MCTP1: variants seen among roughly 807,000 people sequenced by gnomAD.
MCTP1 encodes the protein multiple C2 and transmembrane domain-containing protein 1.
MCTP1 carries 69 observed loss-of-function variants against 120.6 expected under a neutral mutation model. The observed-to-expected ratio is 0.57, with a 90% CI of 0.47 to 0.70. MCTP1 has a LOEUF of 0.70. MCTP1 is among the 30% of genes least tolerant of loss of function. The probability of loss-of-function intolerance (pLI) is 0.00; values close to 1 mark genes in which losing one functional copy is unlikely to be tolerated. For missense variants in MCTP1, 1,203 were observed against 1,248.8 expected, an observed-to-expected ratio of 0.96 and a Z score of 0.55; for synonymous variants, 529 against 493.1, an observed-to-expected ratio of 1.07 and a Z score of -0.96.
intron 17 of MCTP1, among the ~76,000 whole-genome samples, chr5:94,814,669 A>G (rs1471834258): frequency 6.6e-6 from 1 of 152,206 alleles, no homozygotes; most frequent in African/African-American, 2.4e-5. Flanking sequence ...GAAATGGCTG[A>G]GAATATGAAA....
intron 3 of MCTP1, among the ~76,000 whole-genome samples, chr5:94,950,545 A>G (rs1820232342): frequency 6.6e-6 from 1 of 152,178 alleles, no homozygotes; most frequent in Non-Finnish European, 1.5e-5. Context: ...TGCAGACTAT[A>G]TATATAGAGT....
intron 5 of MCTP1, among the ~76,000 whole-genome samples, chr5:94,936,701 A>G (rs2153492423): frequency 6.6e-6 from 1 of 152,254 alleles, no homozygotes; most frequent in East Asian, 1.9e-4. Flanking sequence ...AACCAGTTCT[A>G]GAGAGCTTAA....
At position 94,962,111 on chromosome 5, in the gene MCTP1, G is replaced by A. The variant is rs116333399; in HGVS notation, c.839-8750C>T. On this transcript the variant is annotated intron_variant, in intron 2 of 22. Coordinates refer to ENST00000515393, the MANE Select transcript of MCTP1 (RefSeq NM_024717.7). ...CAGTGCAATGCCACCTTACTCCTGC[G>A]CAAATGGCTATAATAATAATAAAAA... 1.6e-3 allele frequency among the ~76,000 whole-genome samples: 248 copies of A among 150,434 alleles called. 1 individual carries two copies. The highest frequency in any genetic ancestry group is 4.8e-3 in the African/African-American group (195 of 40,690).
intron 1 of MCTP1, among the ~76,000 whole-genome samples, chr5:95,221,962 C>T (rs1404528736): frequency 1.3e-5 from 2 of 152,098 alleles, no homozygotes; most frequent in African/African-American, 2.4e-5. Flanking sequence ...TACAAGTGAT[C>T]AAAAAGAAAA....
At chr5:94,795,155 C>G (rs1176925581) in intron 18 of MCTP1, among the ~76,000 whole-genome samples, 1 of 149,278 alleles carries the variant, frequency 6.7e-6, no homozygotes, top group Non-Finnish European at 1.5e-5. Flanking sequence ...CCTTCATTCT[C>G]TGAGACTTGA....
chr5:94,704,996 A>ATGTC lies in MCTP1; in HGVS notation c.*2496_*2499dup, dbSNP rs1754202537. Reference sequence around the variant, plus strand: ...CATTTCTTATGAATTATCACAACGAATGTCAGTAATAGTTTATGAATATAA... The same window carrying ATGTC: ...CATTTCTTATGAATTATCACAACGAATGTCTGTCAGTAATAGTTTATGAATATAA... On this transcript the variant is annotated 3_prime_UTR_variant, in exon 23 of 23. Coordinates refer to ENST00000515393, the MANE Select transcript of MCTP1 (RefSeq NM_024717.7). The ATGTC allele has an allele frequency of 1.3e-5, 2 of 151,396 alleles. No individual in the cohort carries two copies. The highest frequency in any genetic ancestry group is 3.0e-5 in the Non-Finnish European group (2 of 67,592). 9.4% of individuals were successfully genotyped at this position (151,396 alleles called of 1,614,324 possible). A position where few individuals can be genotyped will look rare whatever the true frequency, so the allele number is the denominator to read the frequency against.
At chr5:95,167,788 G>C (rs1393673415) in intron 1 of MCTP1, among the ~76,000 whole-genome samples, 1 of 152,106 alleles carries the variant, frequency 6.6e-6, no homozygotes, top group Non-Finnish European at 1.5e-5. Flanking sequence ...TGTAGATTCT[G>C]GATATTAGCC....
chr5:94,806,757 T>C (rs1264091117), intron 17 of MCTP1, among the ~76,000 whole-genome samples: 1 of 152,226 alleles, frequency 6.6e-6, no homozygotes, highest in African/African-American at 2.4e-5. Context: ...GAAAAAAGCC[T>C]GCCCTTTCAG....
chr5:95,021,508 T>C (rs577140099), intron 1 of MCTP1, among the ~76,000 whole-genome samples: 208 of 152,238 alleles, frequency 1.4e-3, no homozygotes, highest in African/African-American at 4.7e-3. Flanking sequence ...AATACAATCT[T>C]ATTTTTCTTC....
At chr5:95,045,110 T>G (rs1842954703) in intron 1 of MCTP1, among the ~76,000 whole-genome samples, 1 of 152,172 alleles carries the variant, frequency 6.6e-6, no homozygotes, top group East Asian at 1.9e-4. Flanking sequence ...CACATCAGCC[T>G]TGTGTGAGTT....
intron 1 of MCTP1, among the ~76,000 whole-genome samples, chr5:95,259,227 T>C (rs1251457643): frequency 1.3e-5 from 2 of 152,308 alleles, no homozygotes; most frequent in African/African-American, 2.4e-5. Context: ...TGAATGGCTA[T>C]GTCACTACCA....
At chr5:94,855,728 T>C (rs1794606062) in intron 17 of MCTP1, among the ~76,000 whole-genome samples, 1 of 151,720 alleles carries the variant, frequency 6.6e-6, no homozygotes, top group Non-Finnish European at 1.5e-5. Flanking sequence ...AACAAAACCA[T>C]GACGTAATCG....
At chr5:95,141,319 G>T (rs1396798660) in intron 1 of MCTP1, among the ~76,000 whole-genome samples, 1 of 152,140 alleles carries the variant, frequency 6.6e-6, no homozygotes, top group Non-Finnish European at 1.5e-5. Context: ...TGATTGCCAC[G>T]GGCGTATGCT....
chr5:94,899,932 T>C (rs1805063842), intron 10 of MCTP1, among the ~76,000 whole-genome samples: 1 of 152,222 alleles, frequency 6.6e-6, no homozygotes, highest in Admixed American at 6.5e-5. Context: ...TGCTCCATTT[T>C]TCTTGAGAAA....
At chr5:95,062,828 T>C (rs1749613654) in intron 1 of MCTP1, among the ~76,000 whole-genome samples, 1 of 151,798 alleles carries the variant, frequency 6.6e-6, no homozygotes, top group Non-Finnish European at 1.5e-5. Context: ...TGTTGTTTTG[T>C]TTTTTTTGAA....
In MCTP1 at chr5:94,704,367, G is replaced by A. The variant is rs1039734649; in HGVS notation, c.*3129C>T. The A allele has an allele frequency of 1.3e-5, 2 of 151,418 alleles. No homozygotes were observed. Among genetic ancestry groups the A allele is most frequent in the Non-Finnish European group, 3.0e-5 (2 of 67,596 alleles). The allele number at this position is 151,418 out of a possible 1,614,324, so 9.4% of individuals were successfully genotyped here. On this transcript the variant is annotated 3_prime_UTR_variant, in exon 23 of 23. Transcript: ENST00000515393. ...ATAACTGCCTTATACCTTTTTGTTT[G>A]TTCTTAATGCTTAGTCAACATTATA...
chr5:94,853,388 CT>C (rs1314348845), intron 17 of MCTP1, among the ~76,000 whole-genome samples: 2 of 151,920 alleles, frequency 1.3e-5, no homozygotes, highest in Non-Finnish European at 2.9e-5. Context: ...TTTATCCTTT[CT>C]TTTCATGTGC....
chr5:95,046,202 A>G (rs969887824), intron 1 of MCTP1, among the ~76,000 whole-genome samples: 1 of 152,174 alleles, frequency 6.6e-6, no homozygotes, highest in African/African-American at 2.4e-5. Context: ...ATTTGTACAG[A>G]TAGAGATGCC....
chr5:95,032,316 T>C (rs1840454450), intron 1 of MCTP1, among the ~76,000 whole-genome samples: 1 of 152,114 alleles, frequency 6.6e-6, no homozygotes, highest in African/African-American at 2.4e-5. Flanking sequence ...GAACATTTTC[T>C]AAAATTGACC....
Sources: gnomAD v4.1 joint callset for allele counts (sites outside exome capture counted in the v4.1 genomes callset) on GRCh38, gnomAD v4.1.1 for gene constraint, MANE v1.5 for transcripts, NCBI Gene and HGNC (gene_info 2026-07-23, HGNC 2026-07-21) for gene names.